Variants in THSD4 observed in about 807,000 individuals in gnomAD.
THSD4 encodes thrombospondin type-1 domain-containing protein 4.
THSD4 carries 69 observed loss-of-function variants against 119.0 expected under a neutral mutation model. That is an observed-to-expected ratio of 0.58 (90% CI 0.48 to 0.71). The LOEUF is 0.71. THSD4 is among the 30% of genes least tolerant of loss of function. The probability of loss-of-function intolerance (pLI) is 0.00; values close to 1 mark genes in which losing one functional copy is unlikely to be tolerated. For missense variants in THSD4, 1,393 were observed against 1,391.1 expected, an observed-to-expected ratio of 1.00 and a Z score of -0.02; for synonymous variants, 524 against 540.4, an observed-to-expected ratio of 0.97 and a Z score of 0.42.
intron 14 of THSD4, among the ~76,000 whole-genome samples, chr15:71,749,691 T>TA: frequency 7.1e-6 from 1 of 140,344 alleles, no homozygotes; most frequent in Non-Finnish European, 1.5e-5. Context: ...TTTTATATTT[T>TA]TAAATTTTTA....
At chr15:71,128,874 G>A (rs2040478078) in intron 1 of THSD4, among the ~76,000 whole-genome samples, 1 of 152,216 alleles carries the variant, frequency 6.6e-6, no homozygotes, top group African/African-American at 2.4e-5. Context: ...GAATACTATA[G>A]ACAACCTGGA....
chr15:71,496,054 GAGGA>G (rs889689483), intron 7 of THSD4, among the ~76,000 whole-genome samples: 1 of 152,208 alleles, frequency 6.6e-6, no homozygotes, highest in Admixed American at 6.5e-5. Context: ...TTCTCCCATA[GAGGA>G]AGGGATAGAT....
At chr15:71,725,969 C>T (rs1472661281) in intron 8 of THSD4, among the ~76,000 whole-genome samples, 4 of 152,106 alleles carry the variant, frequency 2.6e-5, no homozygotes, top group East Asian at 1.9e-4. Context: ...TTAGCAGAGA[C>T]GGGGTTTCTC....
chr15:71,516,216 CTG>C (rs1271458572), intron 7 of THSD4, among the ~76,000 whole-genome samples: 4 of 152,184 alleles, frequency 2.6e-5, no homozygotes, highest in South Asian at 2.1e-4. Flanking sequence ...AGAATAACAT[CTG>C]TGTTTGGTGC....
chr15:71,746,409 T>TC (rs2053338178), intron 12 of THSD4, among the ~76,000 whole-genome samples: 2 of 152,128 alleles, frequency 1.3e-5, no homozygotes, highest in Non-Finnish European at 2.9e-5. Flanking sequence ...TCTTTTCTTT[T>TC]TTTGAGACAG....
intron 3 of THSD4, among the ~76,000 whole-genome samples, chr15:71,198,507 G>A (rs947072172): frequency 6.6e-6 from 1 of 152,218 alleles, no homozygotes; most frequent in Admixed American, 6.5e-5. Flanking sequence ...ACCTTCAGGG[G>A]TCACCCATTC....
intron 6 of THSD4, among the ~76,000 whole-genome samples, chr15:71,402,665 G>T (rs2046552546): frequency 6.6e-6 from 1 of 152,186 alleles, no homozygotes. Context: ...AGATGGAGCT[G>T]TCCCTGGAGA....
chr15:71,551,580 G>A (rs962161258), intron 7 of THSD4, among the ~76,000 whole-genome samples: 2 of 152,104 alleles, frequency 1.3e-5, no homozygotes, highest in Non-Finnish European at 2.9e-5. Flanking sequence ...GAAAGTATAC[G>A]AAGAAAATCA....
In THSD4 at chr15:71,531,574, C is replaced by G. The variant is rs1017545426; in HGVS notation, c.1152+119751C>G. Among the ~76,000 whole-genome samples the G allele has an allele frequency of 9.2e-5, 14 of 152,358 alleles. No individual in the cohort carries two copies. In the Middle Eastern group the frequency reaches 0.01, roughly 111 times the overall value. On this transcript the variant is annotated intron_variant, in intron 7 of 17. Coordinates refer to ENST00000261862, the MANE Select transcript of THSD4 (RefSeq NM_024817.3). ...GTTTGAATCCCTGCTTTGCTGCAGA[C>G]TTGTCATGTGATCATGAGCAAGTCA...
rs146463101 is a variant in THSD4, at chr15:71,396,677, C to T, written c.1016-15010C>T. Among the ~76,000 whole-genome samples the T allele has an allele frequency of 3.3e-3, 498 of 152,322 alleles. 2 individuals carry two copies. The highest frequency in any genetic ancestry group is 0.012 in the African/African-American group (480 of 41,556). ...CCCGCTTCTGCTGAAGCTGTCAAGC[C>T]GCTTTCTTGACAGTTGGCCAGACTG... On this transcript the variant is annotated intron_variant, in intron 6 of 17. Coordinates refer to ENST00000261862, the MANE Select transcript of THSD4 (RefSeq NM_024817.3).
intron 1 of THSD4, among the ~76,000 whole-genome samples, chr15:71,140,319 A>C (rs2141370452): frequency 6.6e-6 from 1 of 152,288 alleles, no homozygotes; most frequent in South Asian, 2.1e-4. Context: ...AAGGGCAGCC[A>C]GTGTGTCACA....
intron 6 of THSD4, among the ~76,000 whole-genome samples, chr15:71,329,487 C>T (rs761574799): frequency 8.5e-5 from 13 of 152,180 alleles, no homozygotes; most frequent in Non-Finnish European, 1.5e-4. Flanking sequence ...CCTGAAACGT[C>T]CTTTGCTGCC....
At chr15:71,336,962 G>A (rs1418777204) in intron 6 of THSD4, among the ~76,000 whole-genome samples, 1 of 152,138 alleles carries the variant, frequency 6.6e-6, no homozygotes, top group Non-Finnish European at 1.5e-5. Context: ...TTTTTGCAAG[G>A]CACAGTTTAC....
intron 6 of THSD4, among the ~76,000 whole-genome samples, chr15:71,318,110 T>C (rs1000000575): frequency 5.9e-5 from 9 of 151,902 alleles, no homozygotes; most frequent in African/African-American, 2.2e-4. Context: ...GAGCATGGAG[T>C]TACTTGTTCC....
chr15:71,583,576 CTCTTA>C (rs952269418), intron 7 of THSD4, among the ~76,000 whole-genome samples: 1 of 68,868 alleles, frequency 1.5e-5, no homozygotes, highest in Non-Finnish European at 3.9e-5. Flanking sequence ...TTTGCTGCGT[CTCTTA>C]TAAGTTTTGA....
chr15:71,623,511 A>G (rs2050455094), intron 7 of THSD4, among the ~76,000 whole-genome samples: 3 of 152,256 alleles, frequency 2.0e-5, no homozygotes, highest in Admixed American at 1.3e-4. Context: ...AGCATTAGAA[A>G]TATTTGAAAG....
At chr15:71,639,535 C>G (rs1223101454) in intron 7 of THSD4, among the ~76,000 whole-genome samples, 1 of 152,096 alleles carries the variant, frequency 6.6e-6, no homozygotes, top group East Asian at 1.9e-4. Context: ...TTACTTAATT[C>G]AAGAATTATT....
intron 6 of THSD4, among the ~76,000 whole-genome samples, chr15:71,371,033 A>G (rs1311583679): frequency 1.3e-5 from 2 of 152,164 alleles, no homozygotes; most frequent in African/African-American, 2.4e-5. Flanking sequence ...CCATTATGTA[A>G]TGGCCTTCTT....
Position 71,242,939 on chromosome 15 carries a change from G to A in THSD4, c.755G>A (p.Gly252Asp). 6.2e-7 allele frequency: 1 copy of A among 1,614,188 alleles called. No homozygotes were observed. Among genetic ancestry groups the A allele is most frequent in the Non-Finnish European group, 8.5e-7 (1 of 1,180,044 alleles). ...IYQLPLTHDQGYPAASSLFHS... is the reference protein window; with the variant it reads ...IYQLPLTHDQDYPAASSLFHS... ...CAGCTACCTTTGACCCATGATCAAG[G>A]CTACCCTGCAGCTTCAAGTCTCTTT... is the stretch of plus-strand genomic sequence containing the variant. The change falls in exon 5 of 18, where the codon GGC becomes GAC. Residue 252 changes from glycine to aspartate, a missense_variant. By Grantham distance (94) the Gly-to-Asp change is moderately conservative. Transcript: ENST00000261862.
Sources: gnomAD v4.1 joint callset for allele counts (sites outside exome capture counted in the v4.1 genomes callset) on GRCh38, gnomAD v4.1.1 for gene constraint, MANE v1.5 for transcripts, NCBI Gene and HGNC (gene_info 2026-07-23, HGNC 2026-07-21) for gene names.